Variants in REDIC1 observed in about 807,000 individuals in gnomAD.
REDIC1 encodes the protein HEI10 Interacting Protein 1.
the REDIC1 span, among the ~76,000 whole-genome samples, chr12:39,848,057 G>T: frequency 6.6e-6 from 1 of 152,118 alleles, no homozygotes; most frequent in African/African-American, 2.4e-5. Context: ...AAGTGGGAAA[G>T]TCAAAGCTCT....
the REDIC1 span, among the ~76,000 whole-genome samples, chr12:39,701,032 C>T: frequency 2.6e-5 from 4 of 151,804 alleles, no homozygotes; most frequent in Non-Finnish European, 4.4e-5. Flanking sequence ...CATCAACTAA[C>T]GAGCAAAATC....
the REDIC1 span, among the ~76,000 whole-genome samples, chr12:39,699,346 A>C: frequency 6.6e-6 from 1 of 152,212 alleles, no homozygotes; most frequent in Non-Finnish European, 1.5e-5. Context: ...GACAGACGGC[A>C]CCTGGAAGAT....
the REDIC1 span, among the ~76,000 whole-genome samples, chr12:39,896,296 GTA>G: frequency 3.4e-5 from 4 of 118,450 alleles, no homozygotes; most frequent in Admixed American, 8.6e-5. Flanking sequence ...GTATATGTGT[GTA>G]TATATGTATA....
At chr12:39,908,151 T>G in the REDIC1 span, 8 of 152,138 alleles carry the variant, frequency 5.3e-5, no homozygotes, top group East Asian at 1.4e-3. Context: ...AAAAGCTGCA[T>G]GATAGTGATG....
At chr12:39,805,070 C>A in the REDIC1 span, among the ~76,000 whole-genome samples, 1 of 152,182 alleles carries the variant, frequency 6.6e-6, no homozygotes, top group Non-Finnish European at 1.5e-5. Context: ...GAGAAGCCTG[C>A]TGGGCAGGCA....
the REDIC1 span, among the ~76,000 whole-genome samples, chr12:39,892,465 T>C: frequency 6.6e-6 from 1 of 152,248 alleles, no homozygotes; most frequent in Non-Finnish European, 1.5e-5. Context: ...ATTTTATCAT[T>C]GTGACTTGAT....
chr12:39,850,139 G>A, the REDIC1 span, among the ~76,000 whole-genome samples: 1 of 151,898 alleles, frequency 6.6e-6, no homozygotes, highest in African/African-American at 2.4e-5. Context: ...CTCAGCCTTG[G>A]GAAGCCTTCC....
the REDIC1 span, among the ~76,000 whole-genome samples, chr12:39,848,402 A>C: frequency 2.0e-5 from 3 of 152,316 alleles, no homozygotes; most frequent in African/African-American, 7.2e-5. Flanking sequence ...ACATACGTGC[A>C]GCCAAGGAGC....
chr12:39,696,592 G>A, the REDIC1 span, among the ~76,000 whole-genome samples: 2 of 118,938 alleles, frequency 1.7e-5, no homozygotes, highest in Non-Finnish European at 3.4e-5. Flanking sequence ...AACGCACCAA[G>A]GACCAACCCT....
chr12:39,839,209 C>T, the REDIC1 span, among the ~76,000 whole-genome samples: 10 of 152,186 alleles, frequency 6.6e-5, no homozygotes, highest in African/African-American at 9.6e-5. Flanking sequence ...GTCGGGACAG[C>T]GACTCCATGC....
the REDIC1 span, among the ~76,000 whole-genome samples, chr12:39,632,177 A>G: frequency 6.6e-6 from 1 of 151,896 alleles, no homozygotes; most frequent in East Asian, 1.9e-4. Context: ...GCTCACTGCA[A>G]CTTCCAACTC....
chr12:39,800,379 G>T, the REDIC1 span, among the ~76,000 whole-genome samples: 2 of 151,400 alleles, frequency 1.3e-5, no homozygotes, highest in Non-Finnish European at 2.9e-5. Flanking sequence ...AATCTACAAT[G>T]AACTCAAACA....
At chr12:39,903,548 G>A in the REDIC1 span, among the ~76,000 whole-genome samples, 42 of 152,120 alleles carry the variant, frequency 2.8e-4, no homozygotes, top group African/African-American at 8.4e-4. Flanking sequence ...GGGTCCCTCC[G>A]TATGTGGTAC....
chr12:39,816,213 G>T, the REDIC1 span, among the ~76,000 whole-genome samples: 9 of 152,056 alleles, frequency 5.9e-5, no homozygotes, highest in African/African-American at 1.9e-4. Flanking sequence ...ATTAGCACAG[G>T]TACTGATGTG....
chr12:39,763,299 GATA>G, the REDIC1 span, among the ~76,000 whole-genome samples: 2 of 151,970 alleles, frequency 1.3e-5, no homozygotes, highest in Non-Finnish European at 2.9e-5. Flanking sequence ...GTTTTATGAA[GATA>G]ATAAAAGCAT....
chr12:39,757,081 G>A, the REDIC1 span: 2 of 151,520 alleles, frequency 1.3e-5, no homozygotes, highest in Non-Finnish European at 3.0e-5. Flanking sequence ...AATTATTAAC[G>A]GCAAACCCTT....
At chr12:39,752,622 A>G in the REDIC1 span, among the ~76,000 whole-genome samples, 1 of 152,174 alleles carries the variant, frequency 6.6e-6, no homozygotes, top group East Asian at 1.9e-4. Flanking sequence ...CATTACACAG[A>G]GTCAAAGCAG....
At chr12:39,716,822 G>A in the REDIC1 span, 5 of 1,596,788 alleles carry the variant, frequency 3.1e-6, no homozygotes, top group African/African-American at 1.4e-5. Flanking sequence ...AGCTGTTTCA[G>A]TTCTAGTTCA....
the REDIC1 span, among the ~76,000 whole-genome samples, chr12:39,719,780 G>A: frequency 7.9e-5 from 12 of 151,972 alleles, no homozygotes; most frequent in Non-Finnish European, 1.2e-4. Context: ...ATATTTGTAC[G>A]TATTTAATTG....
Sources: gnomAD v4.1 joint callset for allele counts (sites outside exome capture counted in the v4.1 genomes callset) on GRCh38, gnomAD v4.1.1 for gene constraint, MANE v1.5 for transcripts, NCBI Gene and HGNC (gene_info 2026-07-23, HGNC 2026-07-21) for gene names.